The following NAALADL2 variants were observed in gnomAD, a reference collection of about 807,000 sequenced individuals.
NAALADL2 encodes inactive N-acetylated-alpha-linked acidic dipeptidase-like protein 2.
Under a neutral mutation model 87.2 loss-of-function variants are expected in NAALADL2, and 76 were observed. The observed-to-expected ratio is 0.87, with a 90% confidence interval of 0.72 to 1.05. NAALADL2 has a LOEUF of 1.05. NAALADL2 is among the 50% of genes least tolerant of loss of function. The pLI, the probability that NAALADL2 is intolerant of heterozygous loss-of-function variation, is 0.00. For synonymous variants in NAALADL2, 354 were observed against 331.0 expected (o/e 1.07, Z -0.75); for missense variants, 1,089 against 945.8 (o/e 1.15, Z -1.99).
At chr3:175,017,255 A>G (rs1172184985) in intron 1 of NAALADL2, among the ~76,000 whole-genome samples, 1 of 152,016 alleles carries the variant, frequency 6.6e-6, no homozygotes, top group African/African-American at 2.4e-5. Flanking sequence ...TAGTGGGATT[A>G]AACTAAATAA....
chr3:174,818,354 C>G (rs1270020161), intron 3 of NAALADL2, among the ~76,000 whole-genome samples: 1 of 151,994 alleles, frequency 6.6e-6, no homozygotes, highest in African/African-American at 2.4e-5. Flanking sequence ...CTTGAAATAC[C>G]CCTAACTGCG....
intron 1 of NAALADL2, among the ~76,000 whole-genome samples, chr3:175,072,683 A>G (rs6797819): frequency 0.11 from 11,827 of 112,162 alleles, 692 homozygotes; most frequent in Admixed American, 0.21. Flanking sequence ...TTAATTATTG[A>G]AAAACGGGGT....
intron 1 of NAALADL2, among the ~76,000 whole-genome samples, chr3:174,489,271 C>G (rs1421722391): frequency 6.6e-6 from 1 of 151,886 alleles, no homozygotes; most frequent in Non-Finnish European, 1.5e-5. Context: ...GGTGCTGAGG[C>G]AAGTAGATAT....
At chr3:174,796,843 G>T (rs570716612) in intron 3 of NAALADL2, among the ~76,000 whole-genome samples, 12 of 151,552 alleles carry the variant, frequency 7.9e-5, no homozygotes, top group East Asian at 7.8e-4. Flanking sequence ...TGCCTTTTTT[G>T]TTGTTGTTTT....
intron 1 of NAALADL2, among the ~76,000 whole-genome samples, chr3:175,020,574 T>C (rs1413567659): frequency 1.3e-5 from 2 of 152,108 alleles, no homozygotes; most frequent in African/African-American, 2.4e-5. Context: ...ACTGGCATCA[T>C]CATTATTTGG....
At chr3:175,062,706 C>G (rs1713767222) in intron 1 of NAALADL2, among the ~76,000 whole-genome samples, 1 of 152,092 alleles carries the variant, frequency 6.6e-6, no homozygotes, top group Non-Finnish European at 1.5e-5. Context: ...TTAATCTTAA[C>G]CAATCACTTA....
chr3:174,882,604 CATAT>C (rs549593572), intron 1 of NAALADL2, among the ~76,000 whole-genome samples: 1 of 134,696 alleles, frequency 7.4e-6, no homozygotes, highest in Non-Finnish European at 1.5e-5. Context: ...TATACACATA[CATAT>C]ATGTGCATAT....
chr3:175,242,736 C>A (rs1269746882), intron 3 of NAALADL2, among the ~76,000 whole-genome samples: 1 of 152,084 alleles, frequency 6.6e-6, no homozygotes, highest in Non-Finnish European at 1.5e-5. Flanking sequence ...TTTTGAGTAC[C>A]TTTTATACAT....
chr3:175,385,018 C>T (rs1469715922), intron 5 of NAALADL2, among the ~76,000 whole-genome samples: 2 of 151,960 alleles, frequency 1.3e-5, no homozygotes, highest in African/African-American at 2.4e-5. Context: ...CTGGGACCTC[C>T]CACCAACTCA....
intron 2 of NAALADL2, among the ~76,000 whole-genome samples, chr3:175,108,253 C>T: frequency 6.6e-6 from 1 of 151,880 alleles, no homozygotes; most frequent in Admixed American, 6.6e-5. Flanking sequence ...ATGTCTTCCT[C>T]TCATGGCTCA....
intron 9 of NAALADL2, among the ~76,000 whole-genome samples, chr3:175,527,506 A>G (rs945094744): frequency 6.6e-6 from 1 of 152,160 alleles, no homozygotes; most frequent in Non-Finnish European, 1.5e-5. Flanking sequence ...TACAATTTTG[A>G]TTCCACCAAT....
At chr3:175,526,015 C>A (rs1733364473) in intron 9 of NAALADL2, among the ~76,000 whole-genome samples, 1 of 152,150 alleles carries the variant, frequency 6.6e-6, no homozygotes, top group African/African-American at 2.4e-5. Flanking sequence ...CTGTGTGATA[C>A]AGAGCAGGAA....
chr3:175,377,668 C>G (rs911549348), intron 5 of NAALADL2, among the ~76,000 whole-genome samples: 1 of 152,118 alleles, frequency 6.6e-6, no homozygotes, highest in African/African-American at 2.4e-5. Flanking sequence ...TGAAATGTGT[C>G]CTTTTCCTAA....
At chr3:175,590,737 A>G (rs1368142879) in intron 10 of NAALADL2, among the ~76,000 whole-genome samples, 1 of 152,188 alleles carries the variant, frequency 6.6e-6, no homozygotes, top group Non-Finnish European at 1.5e-5. Context: ...AGGACATTGT[A>G]TATAGAACCC....
rs1259519993 is a variant in NAALADL2 at position 174,684,890 on chromosome 3, A to C, written c.-114-52751A>C. Among the ~76,000 whole-genome samples the C allele has an allele frequency of 2.6e-5, 4 of 152,122 alleles. No homozygotes were observed. In the East Asian group the frequency reaches 7.7e-4, roughly 29 times the overall value. On this transcript the variant is annotated intron_variant, in intron 2 of 3. Coordinates refer to the NAALADL2 transcript ENST00000434257. Reference sequence around the variant, plus strand: ...CTCTCATTGAAGTGAGGAAAAACAAAGACAAGGGTTTTCTTGTCACCCGGC... The same window carrying C: ...CTCTCATTGAAGTGAGGAAAAACAACGACAAGGGTTTTCTTGTCACCCGGC...
intron 4 of NAALADL2, among the ~76,000 whole-genome samples, chr3:175,323,661 A>C (rs868510606): frequency 3.4e-5 from 3 of 87,206 alleles, no homozygotes; most frequent in Non-Finnish European, 6.5e-5. Flanking sequence ...AAACCGGAGG[A>C]AAAAAAAAAA....
At chr3:175,121,142 A>G (rs1309079251) in intron 2 of NAALADL2, among the ~76,000 whole-genome samples, 1 of 151,836 alleles carries the variant, frequency 6.6e-6, no homozygotes, top group African/African-American at 2.4e-5. Flanking sequence ...ATAAGGTTGA[A>G]TCTGTTTCTA....
chr3:175,064,391 G>A (rs1478375519), intron 1 of NAALADL2, among the ~76,000 whole-genome samples: 1 of 152,032 alleles, frequency 6.6e-6, no homozygotes, highest in Non-Finnish European at 1.5e-5. Context: ...GTATCAGTGA[G>A]GAAACAGATC....
intron 3 of NAALADL2, among the ~76,000 whole-genome samples, chr3:174,838,921 C>T (rs1723685941): frequency 6.6e-6 from 1 of 152,058 alleles, no homozygotes; most frequent in Non-Finnish European, 1.5e-5. Context: ...GACCATACTG[C>T]CAAATACAAT....
Sources: gnomAD v4.1 joint callset for allele counts (sites outside exome capture counted in the v4.1 genomes callset) on GRCh38, gnomAD v4.1.1 for gene constraint, MANE v1.5 for transcripts, NCBI Gene and HGNC (gene_info 2026-07-23, HGNC 2026-07-21) for gene names.